The following ANKMY1 variants were observed in gnomAD, a reference collection of about 807,000 sequenced individuals.
ANKMY1 encodes the protein ankyrin repeat and MYND domain containing 1.
Under a neutral mutation model 102.0 loss-of-function variants are expected in ANKMY1, and 98 were observed. That is an observed-to-expected ratio of 0.96 (90% confidence interval 0.82 to 1.14). ANKMY1 has a LOEUF of 1.14. Among genes scored for constraint, ANKMY1 ranks in the 50% most tolerant of loss-of-function variants. The pLI is 0.00. For synonymous variants in ANKMY1, 582 were observed against 559.9 expected (o/e 1.04, Z -0.56); for missense variants, 1,330 against 1,347.6 (o/e 0.99, Z 0.20).
intron 2 of ANKMY1, chr2:240,555,288 G>A (rs974022815): frequency 7.1e-5 from 40 of 560,128 alleles, no homozygotes; most frequent in Admixed American, 2.8e-4. Context: ...ACGGATAGGA[G>A]AGATGCTGCC....
intron 9 of ANKMY1, among the ~76,000 whole-genome samples, chr2:240,515,391 T>C (rs1575082923): frequency 1.3e-5 from 2 of 151,952 alleles, no homozygotes; most frequent in South Asian, 2.1e-4. Context: ...AAAAATTAGC[T>C]AGGTGTGGCG....
At chr2:240,528,393 G>A (rs1015305926) in intron 5 of ANKMY1, among the ~76,000 whole-genome samples, 9 of 150,792 alleles carry the variant, frequency 6.0e-5, no homozygotes, top group African/African-American at 1.2e-4. Context: ...CAACAGAGCA[G>A]AGCATCTTTT....
intron 13 of ANKMY1, among the ~76,000 whole-genome samples, chr2:240,504,581 T>TAA (rs201930752): frequency 6.6e-6 from 1 of 151,034 alleles, no homozygotes; most frequent in South Asian, 2.1e-4. Context: ...TCAATAATAT[T>TAA]AAAAAAAAAG....
Position 240,520,747 on chromosome 2 carries a change from G to A in ANKMY1, c.1833-214C>T, listed in dbSNP as rs1044411610. On this transcript the variant is annotated intron_variant, in intron 8 of 17. Transcript: ENST00000401804. The surrounding 1 kb of genome is among the most constrained non-coding windows in gnomAD (Gnocchi z 4.8). ...AGCCACACCAGAGCGCACACACACG[G>A]CACACACAGCACACCACACAGCACA... Among the ~76,000 whole-genome samples, 3 of 142,246 alleles carry A rather than the reference G, an allele frequency of 2.1e-5. No homozygotes were observed. Among genetic ancestry groups the A allele is most frequent in the Admixed American group, 7.0e-5 (1 of 14,250 alleles). The allele number at this position is 142,246 out of a possible 152,430, so 93.3% of individuals were successfully genotyped here. A position where few individuals can be genotyped will look rare whatever the true frequency, so the allele number is the denominator to read the frequency against.
chr2:240,481,443 T>C (rs1276590791), intron 16 of ANKMY1, among the ~76,000 whole-genome samples: 1 of 152,084 alleles, frequency 6.6e-6, no homozygotes, highest in Non-Finnish European at 1.5e-5. Flanking sequence ...CATAGGGAAA[T>C]GTCTGTGGTA....
chr2:240,542,922 A>T (rs1449135211), intron 4 of ANKMY1, among the ~76,000 whole-genome samples: 1 of 150,350 alleles, frequency 6.7e-6, no homozygotes, highest in East Asian at 1.9e-4. Context: ...TTCATTAAGT[A>T]ATAAGTAATT....
chr2:240,491,850 A>G (rs1441301894), intron 15 of ANKMY1, among the ~76,000 whole-genome samples: 1 of 152,128 alleles, frequency 6.6e-6, no homozygotes, highest in Non-Finnish European at 1.5e-5. Flanking sequence ...TTTCTCTTTG[A>G]CTTTAGACAG....
chr2:240,538,330 C>T (rs995883072), intron 4 of ANKMY1, among the ~76,000 whole-genome samples: 3 of 152,098 alleles, frequency 2.0e-5, no homozygotes, highest in Admixed American at 6.5e-5. Flanking sequence ...CAGGGGCCAG[C>T]GCGAGTTCTG....
chr2:240,530,319 G>T (rs941813274), intron 4 of ANKMY1, among the ~76,000 whole-genome samples: 1 of 151,282 alleles, frequency 6.6e-6, no homozygotes, highest in Admixed American at 6.6e-5. Flanking sequence ...GTACTCCCCA[G>T]TGTTGCAGTG....
rs1226726262 is a variant in ANKMY1 at position 240,529,011 on chromosome 2, G to C, written c.953+26C>G. The C allele has an allele frequency of 6.2e-7, 1 of 1,608,206 alleles. No individual in the cohort carries two copies. The highest frequency in any genetic ancestry group is 2.2e-5 in the East Asian group (1 of 44,856). ...CAGCCTGCACAGTGCACGGCCCTAG[G>C]GGAGGAGCAGTAGCAGACTAGTCAC... On this transcript the variant is annotated intron_variant, in intron 5 of 17. Transcript: ENST00000401804. The surrounding 1 kb of genome is among the most constrained non-coding windows in gnomAD (Gnocchi z 4.2).
intron 7 of ANKMY1, 149 bp downstream of exon 7, chr2:240,525,536 G>A (rs2083187521): frequency 9.9e-7 from 1 of 1,015,176 alleles, no homozygotes. Flanking sequence ...GGGATGCCCA[G>A]GCTCTGTCTC....
At chr2:240,494,548 G>C (rs2077011238) in intron 15 of ANKMY1, among the ~76,000 whole-genome samples, 1 of 152,184 alleles carries the variant, frequency 6.6e-6, no homozygotes, top group Non-Finnish European at 1.5e-5. Context: ...GACAGCTTGA[G>C]TTTCCATAAT....
chr2:240,527,569 T>TGGGTGGGCAGGTG (rs2083934934), intron 5 of ANKMY1: 3 of 10,852 alleles, frequency 2.8e-4, no homozygotes, highest in Admixed American at 2.0e-3. Context: ...GTGGGTGAAT[T>TGGGTGGGCAGGTG]AATGGGTAGG....
At chr2:240,476,435 T>C (rs1179456531), downstream of ANKMY1, among the ~76,000 whole-genome samples, 1 of 152,188 alleles carries the variant, frequency 6.6e-6, no homozygotes, top group Non-Finnish European at 1.5e-5. Flanking sequence ...AACAAGATAA[T>C]TGCTAAGTCC....
Position 240,554,902 on chromosome 2 carries a change from C to T in ANKMY1, c.300G>A (p.Lys100=). 1 of 1,614,124 alleles carries T rather than the reference C, an allele frequency of 6.2e-7. No homozygotes were observed. The change falls in exon 3 of 18, where the codon AAG becomes AAA. Residue 100 remains lysine (K), a synonymous_variant. Coordinates refer to ENST00000401804, the MANE Select transcript of ANKMY1 (RefSeq NM_001282771.3). ...GCCAAGAGAATTTGCCATATCCAAG[C>T]TTCATGTTCAACCCAAACTCCCCCT... ...MYQGEFGLNM[K]LGYGKFSWPT... is the part of the protein sequence containing the mutation.
intron 7 of ANKMY1, among the ~76,000 whole-genome samples, chr2:240,525,157 AT>A (rs1181703326): frequency 6.6e-6 from 1 of 152,206 alleles, no homozygotes; most frequent in Non-Finnish European, 1.5e-5. Context: ...TTCCTGCTAC[AT>A]AAACTCCCAG....
chr2:240,506,035 C>T lies in ANKMY1; in HGVS notation c.2526+1525G>A, dbSNP rs76131048. Among the ~76,000 whole-genome samples, 1,182 of 151,992 alleles carry T rather than the reference C, an allele frequency of 7.8e-3. 13 individuals carry two copies. Among genetic ancestry groups the T allele is most frequent in the African/African-American group, 0.027 (1,135 of 41,448 alleles). On this transcript the variant is annotated intron_variant, in intron 13 of 17. Coordinates refer to ENST00000401804, the MANE Select transcript of ANKMY1 (RefSeq NM_001282771.3). The surrounding 1 kb of genome is among the most constrained non-coding windows in gnomAD (Gnocchi z 4.9). ...GGTTCCCTAACCCCGGATGAGGCAC[C>T]GGGGAGCCTCCTAACCCCGGACAAG... is the stretch of plus-strand genomic sequence containing the variant.
At chr2:240,553,191 T>C (rs976281733) in intron 3 of ANKMY1, 134 bp from the exon 4 acceptor site, 4 of 1,077,204 alleles carry the variant, frequency 3.7e-6, no homozygotes, top group Middle Eastern at 5.6e-4. Context: ...CAGGGATGCC[T>C]GGCATGCGAC....
At chr2:240,554,682 G>C in intron 3 of ANKMY1, 184 bp downstream of exon 3, 2 of 651,710 alleles carry the variant, frequency 3.1e-6, no homozygotes, top group Non-Finnish European at 5.2e-6. Flanking sequence ...AGCAAACCAT[G>C]GGTGTGATTT....
Sources: gnomAD v4.1 joint callset for allele counts (sites outside exome capture counted in the v4.1 genomes callset) on GRCh38, gnomAD v4.1.1 for gene constraint, Gnocchi (gnomAD v3.1) non-coding constraint, MANE v1.5 for transcripts, NCBI Gene and HGNC (gene_info 2026-07-23, HGNC 2026-07-21) for gene names.